The following GRK5 variants were observed in gnomAD, a reference collection of about 807,000 sequenced individuals.
GRK5 encodes G protein-coupled receptor kinase 5.
In GRK5, 40 loss-of-function variants were observed where a neutral mutation model predicts 78.4. The ratio of observed to expected loss-of-function variants is 0.51; its 90% CI spans 0.40 to 0.66. The LOEUF (loss-of-function observed/expected upper bound fraction) is 0.66. Ranked by LOEUF, GRK5 falls within the 30% of genes least tolerant of loss-of-function variation. The pLI is 0.00. For synonymous variants in GRK5, 289 were observed against 296.8 expected (o/e 0.97, Z 0.27); for missense variants, 598 against 759.9 (o/e 0.79, Z 2.50).
At chr10:119,337,749 A>AGCTGGGATT (rs976906371) in intron 2 of GRK5, among the ~76,000 whole-genome samples, 1 of 151,818 alleles carries the variant, frequency 6.6e-6, no homozygotes, top group African/African-American at 2.4e-5. Flanking sequence ...CCTCTCGAGT[A>AGCTGGGATT]GCTGGGATTA....
At chr10:119,295,886 A>G (rs1481001230) in intron 1 of GRK5, among the ~76,000 whole-genome samples, 3 of 152,158 alleles carry the variant, frequency 2.0e-5, no homozygotes, top group African/African-American at 7.2e-5. Flanking sequence ...AATCTCACAA[A>G]TCACCACTAA....
chr10:119,352,357 C>T (rs1851198254), intron 2 of GRK5, among the ~76,000 whole-genome samples: 1 of 152,138 alleles, frequency 6.6e-6, no homozygotes, highest in Non-Finnish European at 1.5e-5. Context: ...AATGTGTGAG[C>T]CCCTTGAAGG....
At chr10:119,351,001 A>G (rs764312571) in intron 2 of GRK5, among the ~76,000 whole-genome samples, 1 of 152,202 alleles carries the variant, frequency 6.6e-6, no homozygotes, top group Non-Finnish European at 1.5e-5. Flanking sequence ...AATCACAGAG[A>G]TAAGTGCAAC....
intron 2 of GRK5, among the ~76,000 whole-genome samples, chr10:119,329,923 C>T (rs1311407093): frequency 8.5e-5 from 11 of 129,802 alleles, no homozygotes; most frequent in Non-Finnish European, 1.2e-4. Context: ...AGTGCAGTGG[C>T]GTGATCTTGG....
chr10:119,403,464 G>A lies in GRK5; in HGVS notation c.339+6692G>A, dbSNP rs973442304. Among the ~76,000 whole-genome samples, 10 of 152,172 alleles carry A rather than the reference G, an allele frequency of 6.6e-5. No homozygotes were observed. The East Asian group carries it at 1.4e-3, about 21-fold the overall frequency. On this transcript the variant is annotated intron_variant, in intron 4 of 15. Coordinates refer to ENST00000392870, the MANE Select transcript of GRK5 (RefSeq NM_005308.3). Reference sequence around the variant, plus strand: ...ACAGACGTGAGCCACCGCACCAGCCGACTGGTTTCTTTTGTAGCATAATGT... The same window carrying A: ...ACAGACGTGAGCCACCGCACCAGCCAACTGGTTTCTTTTGTAGCATAATGT...
intron 12 of GRK5, among the ~76,000 whole-genome samples, chr10:119,444,367 G>A (rs1255828965): frequency 6.6e-6 from 1 of 152,150 alleles, no homozygotes; most frequent in East Asian, 1.9e-4. Flanking sequence ...GATAAGGAGT[G>A]ACAGGAGCCA....
intron 1 of GRK5, among the ~76,000 whole-genome samples, chr10:119,241,813 C>A (rs1167127889): frequency 6.6e-6 from 1 of 152,046 alleles, no homozygotes; most frequent in African/African-American, 2.4e-5. Context: ...AAAAGATTAA[C>A]AAGAGAAAAA....
intron 1 of GRK5, among the ~76,000 whole-genome samples, chr10:119,237,062 C>CTT (rs11393484): frequency 0.049 from 5,784 of 119,066 alleles, 540 homozygotes; most frequent in African/African-American, 0.093. Flanking sequence ...TTTGCCTTAC[C>CTT]TTTTTTTTTT....
At chr10:119,401,282 G>A (rs1362448646) in intron 4 of GRK5, among the ~76,000 whole-genome samples, 3 of 152,150 alleles carry the variant, frequency 2.0e-5, no homozygotes, top group South Asian at 2.1e-4. Context: ...CACGGAGGAC[G>A]CCCTACAAAC....
At chr10:119,224,593 TA>T (rs1848706201) in intron 1 of GRK5, among the ~76,000 whole-genome samples, 1 of 152,026 alleles carries the variant, frequency 6.6e-6, no homozygotes, top group Non-Finnish European at 1.5e-5. Context: ...CATTTTTTTT[TA>T]GTAGAGATGG....
At chr10:119,447,563 G>A (rs758867654) in intron 12 of GRK5, among the ~76,000 whole-genome samples, 1 of 152,070 alleles carries the variant, frequency 6.6e-6, no homozygotes, top group African/African-American at 2.4e-5. Context: ...CCTCTTCCCC[G>A]TGCAGCTCCC....
intron 3 of GRK5, among the ~76,000 whole-genome samples, chr10:119,387,416 C>T (rs1851819135): frequency 6.6e-6 from 1 of 152,190 alleles, no homozygotes. Context: ...GCGTCATTTA[C>T]TAGACTGCAG....
rs1372799062 is a variant in GRK5 at position 119,458,968 on chromosome 10, C to G, written c.*3901C>G. On this transcript the variant is annotated 3_prime_UTR_variant, in exon 16 of 16. Coordinates refer to ENST00000392870, the MANE Select transcript of GRK5 (RefSeq NM_005308.3). ...AAGAAGAGGAAACACCTGAGTGACA[C>G]TCAGCTGTCCTCTGGGGTCCCCTGG... 6.6e-6 allele frequency: 1 copy of G among 152,224 alleles called. No individual in the cohort carries two copies. The highest frequency in any genetic ancestry group is 2.4e-5 in the African/African-American group (1 of 41,462). 9.4% of individuals were successfully genotyped at this position (152,224 alleles called of 1,614,324 possible).
chr10:119,346,173 G>A (rs1387590737), intron 2 of GRK5, among the ~76,000 whole-genome samples: 1 of 152,226 alleles, frequency 6.6e-6, no homozygotes, highest in Non-Finnish European at 1.5e-5. Context: ...GAGCCCAGAA[G>A]TGTGTACAAA....
At chr10:119,408,747 A>G (rs10437498) in intron 4 of GRK5, among the ~76,000 whole-genome samples, 51,931 of 152,028 alleles carry the variant, frequency 0.34, 9,303 homozygotes, top group East Asian at 0.64. Flanking sequence ...GTCTGTTGGG[A>G]TGATAAATAT....
In GRK5 at chr10:119,336,488, TA is replaced by T. The variant is rs1286366696; in HGVS notation, c.148+9882del. 6.6e-6 allele frequency among the ~76,000 whole-genome samples: 1 copy of T among 152,188 alleles called. No individual in the cohort carries two copies. Among genetic ancestry groups the T allele is most frequent in the Non-Finnish European group, 1.5e-5 (1 of 68,030 alleles). ...TGAATTGGCATGTTCTTTGTCTAAT[TA>T]AAAATCAAATGAATAAAGACCAAAT... On this transcript the variant is annotated intron_variant, in intron 2 of 15. Transcript: ENST00000392870. This position sits in a 1 kb window ranked among gnomAD's most constrained non-coding sequence, Gnocchi z 4.5.
At position 119,217,484 on chromosome 10, in the gene GRK5, C is replaced by G. The variant is rs1375596726; in HGVS notation, c.52+9515C>G. Among the ~76,000 whole-genome samples the G allele has an allele frequency of 6.6e-6, 1 of 152,226 alleles. No individual in the cohort carries two copies. Among genetic ancestry groups the G allele is most frequent in the East Asian group, 1.9e-4 (1 of 5,196 alleles). ...ATGATCGCCTGTGGAGGCCCATTAC[C>G]TGTACTCTCTCGCTGCCTGGGCCCC... On this transcript the variant is annotated intron_variant, in intron 1 of 15. Transcript: ENST00000392870. The surrounding 1 kb of genome is among the most constrained non-coding windows in gnomAD (Gnocchi z 4.1).
chr10:119,385,133 G>C (rs1019135932), intron 3 of GRK5, among the ~76,000 whole-genome samples: 1 of 152,204 alleles, frequency 6.6e-6, no homozygotes, highest in African/African-American at 2.4e-5. Flanking sequence ...GAGGGGCAGA[G>C]GGGGTAGGAG....
intron 9 of GRK5, among the ~76,000 whole-genome samples, chr10:119,438,452 A>G (rs1385162473): frequency 2.0e-5 from 3 of 152,208 alleles, no homozygotes; most frequent in Admixed American, 6.5e-5. Context: ...TTTGAAAACA[A>G]GAAAGAATGG....
Sources: allele counts gnomAD v4.1 joint callset (sites outside exome capture counted in the v4.1 genomes callset), GRCh38; gene constraint gnomAD v4.1.1; non-coding constraint Gnocchi (gnomAD v3.1); transcripts MANE v1.5; gene names NCBI Gene and HGNC (gene_info 2026-07-23, HGNC 2026-07-21).